WDR64: variants seen among roughly 807,000 people sequenced by gnomAD.
The protein encoded by WDR64 is WD repeat-containing protein 64.
In WDR64, 112 loss-of-function variants were observed where a neutral mutation model predicts 139.3. The observed-to-expected ratio is 0.80, with a 90% CI of 0.69 to 0.94. WDR64 has a LOEUF of 0.94. Ranked by LOEUF, WDR64 falls within the 40% of genes least tolerant of loss-of-function variation. The probability of loss-of-function intolerance (pLI) is 0.00; values close to 1 mark genes in which losing one functional copy is unlikely to be tolerated. For missense variants in WDR64, 1,206 were observed against 1,293.1 expected (o/e 0.93, Z 1.03); for synonymous variants, 444 against 437.7 (o/e 1.01, Z -0.18).
intron 3 of WDR64, among the ~76,000 whole-genome samples, chr1:241,674,347 T>A (rs1666378656): frequency 7.2e-6 from 1 of 138,040 alleles, no homozygotes; most frequent in South Asian, 2.4e-4. Context: ...CACCTCAACC[T>A]CCTGGCTCCA....
intron 9 of WDR64, among the ~76,000 whole-genome samples, chr1:241,719,661 G>A (rs1008486403): frequency 3.3e-5 from 5 of 152,126 alleles, no homozygotes; most frequent in Admixed American, 1.3e-4. Context: ...TACCTGACAT[G>A]CCCTTTCAGT....
At chr1:241,686,549 T>C (rs1192597141) in intron 7 of WDR64, among the ~76,000 whole-genome samples, 2 of 152,194 alleles carry the variant, frequency 1.3e-5, no homozygotes, top group Non-Finnish European at 2.9e-5. Flanking sequence ...ATGCAGTAGG[T>C]GTTCAATAGA....
At chr1:241,655,257 C>T (rs772678344) in intron 1 of WDR64, among the ~76,000 whole-genome samples, 2 of 152,046 alleles carry the variant, frequency 1.3e-5, no homozygotes, top group Non-Finnish European at 2.9e-5. Flanking sequence ...GTGACGTGTG[C>T]CTGTAGTCCC....
At chr1:241,662,702 G>A (rs1210914733) in intron 2 of WDR64, among the ~76,000 whole-genome samples, 1 of 152,168 alleles carries the variant, frequency 6.6e-6, no homozygotes, top group East Asian at 1.9e-4. Flanking sequence ...GTCTGGGAGG[G>A]AAGAGGAGGA....
chr1:241,800,684 T>G (rs1659496995), intron 27 of WDR64, among the ~76,000 whole-genome samples: 1 of 152,056 alleles, frequency 6.6e-6, no homozygotes, highest in Admixed American at 6.6e-5. Context: ...AAACTTTTAT[T>G]CCTCATTTGT....
intron 1 of WDR64, among the ~76,000 whole-genome samples, chr1:241,658,536 G>A (rs1488877195): frequency 1.3e-5 from 2 of 151,622 alleles, no homozygotes; most frequent in Non-Finnish European, 1.5e-5. Flanking sequence ...CTACTTGGGG[G>A]GTTGAGCTGG....
chr1:241,694,769 C>T (rs755737109), intron 8 of WDR64, among the ~76,000 whole-genome samples: 2 of 152,126 alleles, frequency 1.3e-5, no homozygotes, highest in African/African-American at 2.4e-5. Flanking sequence ...CAAACATTTC[C>T]AGCACATTTA....
intron 25 of WDR64, among the ~76,000 whole-genome samples, chr1:241,794,187 A>G (rs1659291092): frequency 6.6e-6 from 1 of 152,008 alleles, no homozygotes; most frequent in Non-Finnish European, 1.5e-5. Context: ...GTCTCAAAAA[A>G]AAAAAAAGAA....
chr1:241,787,572 G>A (rs1373153604), intron 23 of WDR64, among the ~76,000 whole-genome samples: 2 of 151,450 alleles, frequency 1.3e-5, no homozygotes, highest in South Asian at 4.2e-4. Context: ...AGCTGAGGCA[G>A]GAGAATCACT....
chr1:241,801,079 T>C (rs1364401277), intron 27 of WDR64, 53 bp from the exon 28 acceptor site: 5 of 1,476,450 alleles, frequency 3.4e-6, no homozygotes, highest in Non-Finnish European at 4.7e-6. Context: ...TCTGGAAAAT[T>C]GTGTTTGTCA....
chr1:241,722,960 T>C (rs12733206), intron 9 of WDR64, among the ~76,000 whole-genome samples: 60,800 of 152,016 alleles, frequency 0.4, 12,551 homozygotes, highest in South Asian at 0.49. Flanking sequence ...AAAGAACAGC[T>C]GCCTTAAATA....
At chr1:241,741,747 T>C (rs1669553139) in intron 12 of WDR64, 83 bp downstream of exon 12, 1 of 1,357,622 alleles carries the variant, frequency 7.4e-7, no homozygotes, top group African/African-American at 1.5e-5. Context: ...ATTGAGTGAT[T>C]AAGCAAATGT....
chr1:241,758,197 T>C (rs1454568906), intron 15 of WDR64, among the ~76,000 whole-genome samples: 1 of 152,218 alleles, frequency 6.6e-6, no homozygotes, highest in Non-Finnish European at 1.5e-5. Context: ...TCCTGCAATC[T>C]GGTAGTTAAA....
At chr1:241,704,853 G>A (rs1386942218) in intron 8 of WDR64, among the ~76,000 whole-genome samples, 1 of 152,162 alleles carries the variant, frequency 6.6e-6, no homozygotes, top group African/African-American at 2.4e-5. Context: ...AAGAATTACT[G>A]GAGAGGATTG....
intron 19 of WDR64, among the ~76,000 whole-genome samples, chr1:241,772,349 A>G (rs1431259228): frequency 2.0e-5 from 3 of 149,030 alleles, no homozygotes; most frequent in Non-Finnish European, 4.5e-5. Context: ...AAAAAAGAAA[A>G]GGAAAAAATA....
At chr1:241,654,469 A>T (rs145232359) in intron 1 of WDR64, among the ~76,000 whole-genome samples, 1 of 152,334 alleles carries the variant, frequency 6.6e-6, no homozygotes, top group South Asian at 2.1e-4. Flanking sequence ...CTACTTGGCC[A>T]TTGCACTAGA....
intron 3 of WDR64, among the ~76,000 whole-genome samples, chr1:241,672,607 A>G (rs1403898481): frequency 6.6e-6 from 1 of 152,202 alleles, no homozygotes; most frequent in Non-Finnish European, 1.5e-5. Context: ...GAGGCAGACA[A>G]TAGCAAAAAT....
intron 8 of WDR64, among the ~76,000 whole-genome samples, chr1:241,702,109 T>C (rs1667736229): frequency 1.3e-5 from 2 of 152,372 alleles, no homozygotes; most frequent in South Asian, 2.1e-4. Flanking sequence ...ATGTAAAGCA[T>C]GTTGCCTGTT....
At chr1:241,762,850 C>T (rs1026209771) in intron 15 of WDR64, among the ~76,000 whole-genome samples, 1 of 151,194 alleles carries the variant, frequency 6.6e-6, no homozygotes, top group Non-Finnish European at 1.5e-5. Flanking sequence ...AGAACGGAAA[C>T]ATACTGTATT....
Sources: gnomAD v4.1 joint callset for allele counts (sites outside exome capture counted in the v4.1 genomes callset) on GRCh38, gnomAD v4.1.1 for gene constraint, MANE v1.5 for transcripts, NCBI Gene and HGNC (gene_info 2026-07-23, HGNC 2026-07-21) for gene names.